Variants in ZNF568 observed in about 807,000 individuals in gnomAD.
The protein encoded by ZNF568 is zinc finger protein 568.
In ZNF568, 11 loss-of-function variants were observed where a neutral mutation model predicts 18.1. That is an observed-to-expected ratio of 0.61 (90% CI 0.38 to 1.00). The LOEUF (loss-of-function observed/expected upper bound fraction) is 1.00. ZNF568 is among the 50% of genes least tolerant of loss of function. ZNF568 has a pLI of 0.01. For missense variants in ZNF568, 639 were observed against 768.2 expected (o/e 0.83, Z 1.99); for synonymous variants, 213 against 246.6 (o/e 0.86, Z 1.28).
At chr19:36,978,729 C>T (rs560969609) in intron 7 of ZNF568, among the ~76,000 whole-genome samples, 11 of 152,260 alleles carry the variant, frequency 7.2e-5, no homozygotes, top group Non-Finnish European at 1.3e-4. Context: ...TTTTCAGCCT[C>T]GTCTCTCTGC....
chr19:36,920,394 G>A (rs1029086429), intron 2 of ZNF568, among the ~76,000 whole-genome samples: 5 of 151,940 alleles, frequency 3.3e-5, no homozygotes, highest in African/African-American at 4.8e-5. Flanking sequence ...AGGCCGAGGC[G>A]GGTGGATTAC....
At chr19:36,996,661 A>G in exon 5 of ZNF568, 1 of 1,535,278 alleles carries the variant, frequency 6.5e-7, no homozygotes, top group African/African-American at 1.4e-5. Flanking sequence ...AATCTTTAAT[A>G]GTGGATCAGA....
At chr19:36,927,903 ATTTTTTTTT>A (rs71177414) in intron 4 of ZNF568, among the ~76,000 whole-genome samples, 4 of 26,602 alleles carry the variant, frequency 1.5e-4, no homozygotes, top group African/African-American at 1.0e-3. Flanking sequence ...ATATATATAT[ATTTTTTTTT>A]TTTTTTTTTT....
chr19:36,923,838 G>A (rs1884507962), intron 3 of ZNF568, among the ~76,000 whole-genome samples: 1 of 151,858 alleles, frequency 6.6e-6, no homozygotes, highest in Non-Finnish European at 1.5e-5. Flanking sequence ...GTCTTGTCAT[G>A]GCTTCCCCAC....
At chr19:36,983,911 T>TTTTTTTTTTG (rs1300895800), downstream of ZNF568, among the ~76,000 whole-genome samples, 3 of 144,510 alleles carry the variant, frequency 2.1e-5, no homozygotes, top group African/African-American at 8.0e-5. Flanking sequence ...TTTTTTTTTT[T>TTTTTTTTTTG]TTGTTGAGAC....
At chr19:36,946,520 G>A (rs1035953487) in intron 6 of ZNF568, among the ~76,000 whole-genome samples, 3 of 151,578 alleles carry the variant, frequency 2.0e-5, no homozygotes, top group Non-Finnish European at 2.9e-5. Flanking sequence ...TTTAAATAAG[G>A]AATCCATCGT....
intron 7 of ZNF568, among the ~76,000 whole-genome samples, chr19:36,977,137 C>G (rs1336922731): frequency 1.3e-5 from 2 of 152,132 alleles, no homozygotes; most frequent in Admixed American, 1.3e-4. Flanking sequence ...TCAGATAAAT[C>G]AACTCTTTTC....
At chr19:36,994,235 G>T (rs1378797263) in intron 4 of ZNF568, among the ~76,000 whole-genome samples, 1 of 151,980 alleles carries the variant, frequency 6.6e-6, no homozygotes, top group African/African-American at 2.4e-5. Context: ...TTCTGCTGTT[G>T]ATATCTAAGT....
At chr19:36,961,882 T>TG (rs1187070508) in intron 6 of ZNF568, among the ~76,000 whole-genome samples, 1 of 92,894 alleles carries the variant, frequency 1.1e-5, no homozygotes, top group Non-Finnish European at 2.1e-5. Context: ...GTTAGGGTGT[T>TG]TTTTTTTTTT....
intron 4 of ZNF568, among the ~76,000 whole-genome samples, chr19:36,933,916 G>GTT (rs1243440418): frequency 9.7e-5 from 2 of 20,722 alleles, no homozygotes; most frequent in African/African-American, 6.3e-4. Context: ...TTTTTGTTTT[G>GTT]TTTTTTTGTT....
intron 6 of ZNF568, among the ~76,000 whole-genome samples, chr19:36,945,025 T>C (rs1208848466): frequency 1.3e-5 from 2 of 152,146 alleles, no homozygotes; most frequent in East Asian, 3.8e-4. Context: ...TTTTTCTTTT[T>C]TGATTTAATT....
In ZNF568 at chr19:36,952,019, T is replaced by C; in HGVS notation, c.*931T>C. Reference sequence around the variant, plus strand: ...GGGAGAAAATAGATGATATTGTCTATGACGTTGAGGCCAAGGAGCTTTTTT... The same window carrying C: ...GGGAGAAAATAGATGATATTGTCTACGACGTTGAGGCCAAGGAGCTTTTTT... On this transcript the variant is annotated 3_prime_UTR_variant, in exon 7 of 7. Transcript: ENST00000333987. 1.0e-6 allele frequency: 1 copy of C among 974,570 alleles called. No individual in the cohort carries two copies. Among genetic ancestry groups the C allele is most frequent in the Non-Finnish European group, 1.2e-6 (1 of 825,674 alleles). The allele number at this position is 974,570 out of a possible 1,614,324, so 60.4% of individuals were successfully genotyped here.
At chr19:36,968,476 A>G (rs530837961) in intron 6 of ZNF568, among the ~76,000 whole-genome samples, 1 of 150,804 alleles carries the variant, frequency 6.6e-6, no homozygotes, top group Admixed American at 6.6e-5. Flanking sequence ...CCCAGGAGGC[A>G]GAGGTTGCAG....
At chr19:36,949,171 G>A (rs1238807339) in intron 6 of ZNF568, among the ~76,000 whole-genome samples, 1 of 151,986 alleles carries the variant, frequency 6.6e-6, no homozygotes, top group Non-Finnish European at 1.5e-5. Context: ...TGTTCATTTT[G>A]TTCTCTAGCC....
intron 6 of ZNF568, among the ~76,000 whole-genome samples, chr19:36,945,660 C>T (rs1199881359): frequency 6.6e-6 from 1 of 151,756 alleles, no homozygotes; most frequent in Non-Finnish European, 1.5e-5. Context: ...GCACCTCATC[C>T]CCATGTTGTT....
Position 36,925,273 on chromosome 19 carries a change from T to G in ZNF568, c.135+15T>G. On this transcript the variant is annotated intron_variant, in intron 4 of 6. Coordinates refer to ENST00000333987, the MANE Select transcript of ZNF568 (RefSeq NM_198539.4). ...CCAGGCCTCTTGTACGTCTTAAGCA[T>G]TTATTTGTTTCCTGCATTATTTTGC... 6.2e-7 allele frequency: 1 copy of G among 1,612,708 alleles called. No homozygotes were observed. Among genetic ancestry groups the G allele is most frequent in the Non-Finnish European group, 8.5e-7 (1 of 1,178,836 alleles).
chr19:36,917,407 G>GATTAT (rs1220416963), intron 1 of ZNF568, among the ~76,000 whole-genome samples, 172 bp from the exon 2 acceptor site: 3 of 152,224 alleles, frequency 2.0e-5, no homozygotes, highest in East Asian at 3.8e-4. Flanking sequence ...CTATTAGAGG[G>GATTAT]TGTGAGGAAT....
intron 6 of ZNF568, among the ~76,000 whole-genome samples, chr19:36,972,480 C>T (rs1157735307): frequency 6.6e-6 from 1 of 152,148 alleles, no homozygotes; most frequent in African/African-American, 2.4e-5. Flanking sequence ...GGCCACATCC[C>T]CAAACCTCTA....
At position 36,948,908 on chromosome 19, in the gene ZNF568, G is replaced by C. The variant is rs914174037; in HGVS notation, c.359-604G>C. ...ATTCTCCAATTCTTGAGCCTTTCCA[G>C]TGATTTCTGGCCAAATCTCTTTGTT... is the stretch of plus-strand genomic sequence containing the variant. On this transcript the variant is annotated intron_variant, in intron 6 of 6. Coordinates refer to ENST00000333987, the MANE Select transcript of ZNF568 (RefSeq NM_198539.4). Among the ~76,000 whole-genome samples the C allele has an allele frequency of 2.0e-5, 3 of 152,022 alleles. No homozygotes were observed. In the East Asian group the frequency reaches 5.8e-4, roughly 29 times the overall value.
Sources: gnomAD v4.1 joint callset for allele counts (sites outside exome capture counted in the v4.1 genomes callset) on GRCh38, gnomAD v4.1.1 for gene constraint, MANE v1.5 for transcripts, NCBI Gene and HGNC (gene_info 2026-07-23, HGNC 2026-07-21) for gene names.